The following CAMK1D variants were observed in gnomAD, a reference collection of about 807,000 sequenced individuals.
CAMK1D encodes the protein calcium/calmodulin-dependent protein kinase type 1D.
In CAMK1D, 9 loss-of-function variants were observed where a neutral mutation model predicts 47.7. The observed-to-expected ratio is 0.19, with a 90% CI of 0.11 to 0.33. CAMK1D has a LOEUF of 0.33. Among genes scored for constraint, CAMK1D ranks in the 10% least tolerant of loss-of-function variants. The pLI is 1.00. For missense variants in CAMK1D, 291 were observed against 488.7 expected (o/e 0.60, Z 3.81); for synonymous variants, 184 against 184.9 (o/e 0.99, Z 0.04).
At chr10:12,659,192 A>G (rs1382667814) in intron 2 of CAMK1D, among the ~76,000 whole-genome samples, 2 of 152,210 alleles carry the variant, frequency 1.3e-5, no homozygotes, top group Non-Finnish European at 2.9e-5. Flanking sequence ...AACTTTTCCC[A>G]TTTCACAAGT....
intron 1 of CAMK1D, among the ~76,000 whole-genome samples, chr10:12,449,705 T>TA (rs1004592553): frequency 1.3e-5 from 2 of 152,092 alleles, no homozygotes; most frequent in Non-Finnish European, 2.9e-5. Flanking sequence ...CAGTAAAGCT[T>TA]AAAAAAAGAC....
chr10:12,643,474 C>A (rs1231554740), intron 2 of CAMK1D, among the ~76,000 whole-genome samples: 2 of 152,182 alleles, frequency 1.3e-5, no homozygotes, highest in Non-Finnish European at 2.9e-5. Context: ...CCATCCATCA[C>A]CCGCCTGAGC....
Position 12,772,682 on chromosome 10 carries a change from A to C in CAMK1D, c.565+2883A>C, listed in dbSNP as rs1474229864. On this transcript the variant is annotated intron_variant, in intron 5 of 10. Transcript: ENST00000619168. Reference sequence around the variant, plus strand: ...TTGAGAAGAGTCCATCGCTCTTGCTACTCTAAATGGCAGCCAGTGGGAGCC... The same window carrying C: ...TTGAGAAGAGTCCATCGCTCTTGCTCCTCTAAATGGCAGCCAGTGGGAGCC... Among the ~76,000 whole-genome samples the C allele has an allele frequency of 2.0e-5, 3 of 152,028 alleles. No individual in the cohort carries two copies. The East Asian group carries it at 5.8e-4, about 29-fold the overall frequency.
intron 1 of CAMK1D, among the ~76,000 whole-genome samples, chr10:12,352,690 G>A (rs1837386825): frequency 6.6e-6 from 1 of 151,808 alleles, no homozygotes; most frequent in African/African-American, 2.4e-5. Flanking sequence ...GGAAAACTTG[G>A]AAGCATTTCA....
At chr10:12,728,827 G>A (rs1293337350) in intron 3 of CAMK1D, among the ~76,000 whole-genome samples, 1 of 152,208 alleles carries the variant, frequency 6.6e-6, no homozygotes, top group Admixed American at 6.5e-5. Flanking sequence ...GTGTGTGTAT[G>A]TGTGCGCACG....
intron 1 of CAMK1D, among the ~76,000 whole-genome samples, chr10:12,376,494 T>G (rs1247177627): frequency 6.6e-6 from 1 of 152,144 alleles, no homozygotes; most frequent in Non-Finnish European, 1.5e-5. Context: ...CACCGGCCAG[T>G]GGTCCAGGGA....
intron 1 of CAMK1D, among the ~76,000 whole-genome samples, chr10:12,510,414 T>TAAAA (rs10682784): frequency 8.6e-5 from 13 of 151,006 alleles, no homozygotes; most frequent in African/African-American, 1.9e-4. Flanking sequence ...AGACTCCGTC[T>TAAAA]AAAAAAAAAT....
chr10:12,757,158 T>G (rs541546668), intron 3 of CAMK1D, among the ~76,000 whole-genome samples: 27 of 151,936 alleles, frequency 1.8e-4, no homozygotes, highest in Non-Finnish European at 3.8e-4. Context: ...TGAGACAGGG[T>G]CTTGGTCCTT....
chr10:12,368,178 GAC>G (rs907455511), intron 1 of CAMK1D, among the ~76,000 whole-genome samples: 2 of 145,164 alleles, frequency 1.4e-5, no homozygotes, highest in African/African-American at 5.1e-5. Context: ...CGGCCTGGGC[GAC>G]AGAGCGAGAC....
In CAMK1D at chr10:12,801,940, T is replaced by C. The variant is rs138086774; in HGVS notation, c.641+10707T>C. Among the ~76,000 whole-genome samples the C allele has an allele frequency of 7.0e-3, 1,062 of 152,308 alleles. 16 individuals are homozygous for C. Among genetic ancestry groups the C allele is most frequent in the African/African-American group, 0.024 (1,004 of 41,562 alleles). On this transcript the variant is annotated intron_variant, in intron 6 of 10. Transcript: ENST00000619168. ...GCTAGGCTCTGCACCTGTGTCTCCT[T>C]TCCTCTGACTTCCTGGCTGAGGAAG...
At chr10:12,440,028 C>G (rs1832741247) in intron 1 of CAMK1D, among the ~76,000 whole-genome samples, 1 of 152,172 alleles carries the variant, frequency 6.6e-6, no homozygotes, top group South Asian at 2.1e-4. Context: ...CAGTGAACTC[C>G]CACTGGGTCC....
At chr10:12,502,354 A>C (rs925732893) in intron 1 of CAMK1D, among the ~76,000 whole-genome samples, 3 of 152,144 alleles carry the variant, frequency 2.0e-5, no homozygotes, top group African/African-American at 7.2e-5. Context: ...TGGAGGGAGC[A>C]TTGCCAATCC....
At chr10:12,595,003 A>G (rs1838101022) in intron 2 of CAMK1D, among the ~76,000 whole-genome samples, 1 of 152,122 alleles carries the variant, frequency 6.6e-6, no homozygotes, top group Non-Finnish European at 1.5e-5. Context: ...AAAGGCGGGG[A>G]AGGAGACTCA....
At chr10:12,676,242 C>T (rs1840805397) in intron 3 of CAMK1D, among the ~76,000 whole-genome samples, 2 of 152,196 alleles carry the variant, frequency 1.3e-5, no homozygotes, top group Admixed American at 6.5e-5. Flanking sequence ...GCGTTAGCCA[C>T]CACGCCCAGC....
chr10:12,491,971 G>A lies in CAMK1D; in HGVS notation c.93-61254G>A, dbSNP rs191572506. On this transcript the variant is annotated intron_variant, in intron 1 of 10. Coordinates refer to ENST00000619168, the MANE Select transcript of CAMK1D (RefSeq NM_153498.4). ...TGGCTAATTTTTTATTTTTAGTAGA[G>A]ATGGGGTTTCACCATGTTGGCCAGG... Among the ~76,000 whole-genome samples the A allele has an allele frequency of 5.9e-3, 905 of 152,184 alleles. 5 individuals are homozygous for A. Among genetic ancestry groups the A allele is most frequent in the Middle Eastern group, 0.01 (3 of 294 alleles).
chr10:12,617,713 T>G (rs912833837), intron 2 of CAMK1D, among the ~76,000 whole-genome samples: 6 of 152,146 alleles, frequency 3.9e-5, no homozygotes, highest in African/African-American at 1.4e-4. Context: ...GGGTTAGTTT[T>G]TTCTCCTCCA....
chr10:12,678,650 G>A (rs541434173), intron 3 of CAMK1D, among the ~76,000 whole-genome samples: 11 of 152,262 alleles, frequency 7.2e-5, no homozygotes, highest in East Asian at 1.9e-4. Context: ...ATTTTGGAGC[G>A]CCAATGTTTG....
At chr10:12,750,022 G>T (rs190248197) in intron 3 of CAMK1D, among the ~76,000 whole-genome samples, 35 of 152,314 alleles carry the variant, frequency 2.3e-4, no homozygotes, top group African/African-American at 8.2e-4. Flanking sequence ...GGAACGTCTG[G>T]CAGCTGGTCT....
At chr10:12,450,015 A>G (rs1354958836) in intron 1 of CAMK1D, among the ~76,000 whole-genome samples, 2 of 151,952 alleles carry the variant, frequency 1.3e-5, no homozygotes, top group African/African-American at 4.8e-5. Context: ...ATACACACGT[A>G]TATAAAAAAA....
Sources: gnomAD v4.1 joint callset for allele counts (sites outside exome capture counted in the v4.1 genomes callset) on GRCh38, gnomAD v4.1.1 for gene constraint, MANE v1.5 for transcripts, NCBI Gene and HGNC (gene_info 2026-07-23, HGNC 2026-07-21) for gene names.